Variants in DOCK3 observed in about 807,000 individuals in gnomAD.
DOCK3 encodes dedicator of cytokinesis protein 3.
In DOCK3, 60 loss-of-function variants were observed where a neutral mutation model predicts 265.6. The observed-to-expected ratio is 0.23, with a 90% CI of 0.18 to 0.28. The LOEUF (loss-of-function observed/expected upper bound fraction) is 0.28, where lower values mean the gene tolerates loss of function less well. Ranked by LOEUF, DOCK3 falls within the 10% of genes least tolerant of loss-of-function variation. The pLI, the probability that DOCK3 is intolerant of heterozygous loss-of-function variation, is 1.00. For missense variants in DOCK3, 1,981 were observed against 2,594.3 expected (o/e 0.76, Z 5.14); for synonymous variants, 881 against 938.0 (o/e 0.94, Z 1.11).
chr3:50,911,920 A>T (rs948029479), intron 4 of DOCK3, among the ~76,000 whole-genome samples: 1 of 151,842 alleles, frequency 6.6e-6, no homozygotes, highest in Non-Finnish European at 1.5e-5. Flanking sequence ...GTATCTTATT[A>T]TTATTTTTTA....
Position 50,887,066 on chromosome 3 carries a change from A to G in DOCK3, c.163-2960A>G, listed in dbSNP as rs549290428. On this transcript the variant is annotated intron_variant, in intron 3 of 52. Transcript: ENST00000266037. ...AAAAAACCCTTCAAAAAATTAATGA[A>G]TCCAGGAGCTGGTTTTTTGAAAAGA... Among the ~76,000 whole-genome samples the G allele has an allele frequency of 2.7e-4, 41 of 152,266 alleles. 1 individual carries two copies. Among genetic ancestry groups the G allele is most frequent in the Admixed American group, 2.6e-4 (4 of 15,278 alleles).
chr3:50,793,608 T>A (rs1375833667), intron 2 of DOCK3, among the ~76,000 whole-genome samples: 1 of 152,170 alleles, frequency 6.6e-6, no homozygotes, highest in Non-Finnish European at 1.5e-5. Flanking sequence ...TCCACCTGCC[T>A]CAGCCTCCCA....
chr3:50,867,953 T>G (rs886953176), intron 3 of DOCK3, among the ~76,000 whole-genome samples: 1 of 152,208 alleles, frequency 6.6e-6, no homozygotes, highest in African/African-American at 2.4e-5. Flanking sequence ...ATGGTTTGGA[T>G]GTATCCCCTC....
intron 9 of DOCK3, among the ~76,000 whole-genome samples, chr3:51,104,518 A>G (rs1255699061): frequency 1.3e-5 from 2 of 152,202 alleles, no homozygotes; most frequent in African/African-American, 4.8e-5. Flanking sequence ...GACTTAATAT[A>G]ATAATATCAG....
chr3:50,856,587 T>TA (rs1305418059), intron 3 of DOCK3, among the ~76,000 whole-genome samples: 1 of 152,242 alleles, frequency 6.6e-6, no homozygotes, highest in Non-Finnish European at 1.5e-5. Context: ...CTCTGAATAT[T>TA]AGACCTTTTG....
chr3:51,079,703 C>T (rs1028730347), intron 7 of DOCK3, among the ~76,000 whole-genome samples: 1 of 151,990 alleles, frequency 6.6e-6, no homozygotes, highest in East Asian at 1.9e-4. Flanking sequence ...TAGTGCTCTT[C>T]AATTCTGCAT....
chr3:51,120,513 C>T (rs1560089829), intron 9 of DOCK3, among the ~76,000 whole-genome samples: 1 of 152,206 alleles, frequency 6.6e-6, no homozygotes, highest in Admixed American at 6.5e-5. Flanking sequence ...GATTGCTGCT[C>T]TCTGCAGAGC....
chr3:51,244,495 C>G (rs1184259374), intron 21 of DOCK3, among the ~76,000 whole-genome samples: 1 of 152,032 alleles, frequency 6.6e-6, no homozygotes, highest in Non-Finnish European at 1.5e-5. Context: ...TCATTTTTAG[C>G]ATATAGAAAT....
At chr3:50,826,954 G>T (rs958236888) in intron 2 of DOCK3, among the ~76,000 whole-genome samples, 1 of 152,174 alleles carries the variant, frequency 6.6e-6, no homozygotes, top group Non-Finnish European at 1.5e-5. Flanking sequence ...AATTCACTGT[G>T]AAGTAATTTG....
At chr3:50,720,863 A>C (rs920905254) in intron 1 of DOCK3, among the ~76,000 whole-genome samples, 5 of 152,070 alleles carry the variant, frequency 3.3e-5, no homozygotes, top group African/African-American at 9.7e-5. Context: ...GCCAGTGTCT[A>C]TTATTTTTTG....
At chr3:50,948,052 ATTAT>A (rs2076483024) in intron 5 of DOCK3, among the ~76,000 whole-genome samples, 1 of 139,808 alleles carries the variant, frequency 7.2e-6, no homozygotes, top group African/African-American at 2.7e-5. Flanking sequence ...TATTATTATT[ATTAT>A]TATTATTATT....
intron 3 of DOCK3, among the ~76,000 whole-genome samples, chr3:50,850,246 G>T (rs948860976): frequency 3.3e-5 from 5 of 151,718 alleles, no homozygotes; most frequent in African/African-American, 1.2e-4. Context: ...TGTAGTCCCA[G>T]CCACTAGGGG....
chr3:51,001,072 AT>A (rs897707209), intron 5 of DOCK3, among the ~76,000 whole-genome samples: 2 of 152,202 alleles, frequency 1.3e-5, no homozygotes, highest in African/African-American at 4.8e-5. Flanking sequence ...ATTGCTCCGA[AT>A]TTTGATCTAT....
At chr3:50,927,757 A>G (rs1269854105) in intron 4 of DOCK3, among the ~76,000 whole-genome samples, 1 of 152,136 alleles carries the variant, frequency 6.6e-6, no homozygotes, top group Non-Finnish European at 1.5e-5. Context: ...AGGAAGAGTG[A>G]TAAATCAAGT....
chr3:51,300,629 CA>C (rs1358941358), intron 27 of DOCK3, among the ~76,000 whole-genome samples: 1 of 152,144 alleles, frequency 6.6e-6, no homozygotes, highest in Non-Finnish European at 1.5e-5. Flanking sequence ...TGAATTTTAT[CA>C]AAGGTCTTTT....
Position 51,127,931 on chromosome 3 carries a change from A to G in DOCK3, c.747-18618A>G, listed in dbSNP as rs935387882. Among the ~76,000 whole-genome samples the G allele has an allele frequency of 2.0e-5, 3 of 152,168 alleles. No homozygotes were observed. The East Asian group carries it at 5.8e-4, about 29-fold the overall frequency. On this transcript the variant is annotated intron_variant, in intron 9 of 52. Coordinates refer to ENST00000266037, the MANE Select transcript of DOCK3 (RefSeq NM_004947.5). ...TGCCCTAATGGGTCTCCTGTATTCC[A>G]TGCTTACTCTTCCTTACTTCCGTTG...
At chr3:51,169,296 T>C (rs2086562241) in intron 12 of DOCK3, among the ~76,000 whole-genome samples, 1 of 152,216 alleles carries the variant, frequency 6.6e-6, no homozygotes, top group Non-Finnish European at 1.5e-5. Context: ...TGTATGTTCA[T>C]TGTAGCACTA....
chr3:50,866,186 C>T (rs1460033985), intron 3 of DOCK3, among the ~76,000 whole-genome samples: 2 of 152,016 alleles, frequency 1.3e-5, no homozygotes, highest in Non-Finnish European at 2.9e-5. Context: ...TGGGGCATTA[C>T]TTAAGAATTT....
intron 12 of DOCK3, among the ~76,000 whole-genome samples, chr3:51,184,316 C>CAAAA (rs34084936): frequency 7.2e-6 from 1 of 137,958 alleles, no homozygotes; most frequent in African/African-American, 2.7e-5. Context: ...TGCTTTGAAA[C>CAAAA]AAAAAAAAAA....
Sources: gnomAD v4.1 joint callset for allele counts (sites outside exome capture counted in the v4.1 genomes callset) on GRCh38, gnomAD v4.1.1 for gene constraint, MANE v1.5 for transcripts, NCBI Gene and HGNC (gene_info 2026-07-23, HGNC 2026-07-21) for gene names.